The following QNG1 variants were observed in gnomAD, a reference collection of about 807,000 sequenced individuals.
QNG1 encodes queuosine 5'-phosphate N-glycosylase/hydrolase.
At chr9:83,943,913 C>T in the QNG1 span, among the ~76,000 whole-genome samples, 371 of 152,146 alleles carry the variant, frequency 2.4e-3, 2 homozygotes, top group African/African-American at 8.1e-3. Context: ...CCCAGCTACT[C>T]GGGAGGCTGA....
chr9:83,948,540 C>T, the QNG1 span, among the ~76,000 whole-genome samples: 6 of 152,010 alleles, frequency 3.9e-5, no homozygotes, highest in East Asian at 1.2e-3. Flanking sequence ...CCTGGCCGCC[C>T]CGTCTGGGAA....
At chr9:83,946,842 G>A in the QNG1 span, among the ~76,000 whole-genome samples, 794 of 152,240 alleles carry the variant, frequency 5.2e-3, 7 homozygotes, top group African/African-American at 0.018. Context: ...CAGGCGATCC[G>A]TGTGCCTTGG....
chr9:83,952,794 G>GAAAAA, the QNG1 span, among the ~76,000 whole-genome samples: 2 of 83,586 alleles, frequency 2.4e-5, no homozygotes, highest in African/African-American at 8.4e-5. Flanking sequence ...GACTCCGTCT[G>GAAAAA]AAAAAAAAAA....
chr9:83,949,402 G>T, the QNG1 span, among the ~76,000 whole-genome samples: 2 of 152,174 alleles, frequency 1.3e-5, no homozygotes, highest in Non-Finnish European at 2.9e-5. Context: ...CCAGCACTTT[G>T]GGAGGCCGAG....
the QNG1 span, among the ~76,000 whole-genome samples, chr9:83,948,517 G>A: frequency 7.0e-6 from 1 of 142,522 alleles, no homozygotes; most frequent in African/African-American, 2.6e-5. Context: ...CCGGGAGGGG[G>A]GGGGCGCCTC....
chr9:83,941,755 A>G, the QNG1 span, among the ~76,000 whole-genome samples: 1 of 152,188 alleles, frequency 6.6e-6, no homozygotes, highest in African/African-American at 2.4e-5. Context: ...TCTACCAAAA[A>G]TACAAAAATT....
At chr9:83,938,674 G>GAAAA in the QNG1 span, 1 of 145,678 alleles carries the variant, frequency 6.9e-6, no homozygotes. Context: ...CCACAGGGGG[G>GAAAA]AAAAAAAAAA....
chr9:83,939,439 T>C, the QNG1 span: 4 of 1,035,384 alleles, frequency 3.9e-6, no homozygotes, highest in Non-Finnish European at 5.8e-6. Flanking sequence ...TCTCTAAATA[T>C]CAAAGCAAAA....
At chr9:83,950,334 C>A in the QNG1 span, among the ~76,000 whole-genome samples, 57 of 152,060 alleles carry the variant, frequency 3.7e-4, no homozygotes, top group Non-Finnish European at 7.5e-4. Flanking sequence ...AGGTATGAGC[C>A]ACCACGCCTG....
At chr9:83,945,980 T>C in the QNG1 span, among the ~76,000 whole-genome samples, 1 of 152,092 alleles carries the variant, frequency 6.6e-6, no homozygotes, top group East Asian at 1.9e-4. Context: ...GTTTTTCTGA[T>C]TGCAATATAA....
At chr9:83,950,207 G>T in the QNG1 span, among the ~76,000 whole-genome samples, 1 of 151,874 alleles carries the variant, frequency 6.6e-6, no homozygotes, top group Non-Finnish European at 1.5e-5. Context: ...GCGCCAACAC[G>T]CCTGGCTAAT....
chr9:83,948,423 G>C, the QNG1 span, among the ~76,000 whole-genome samples: 3 of 142,768 alleles, frequency 2.1e-5, no homozygotes, highest in African/African-American at 7.7e-5. Flanking sequence ...GTCCGGGAGG[G>C]AGGTGGGGGG....
the QNG1 span, chr9:83,956,326 C>T: frequency 6.2e-7 from 1 of 1,613,804 alleles, no homozygotes; most frequent in Non-Finnish European, 8.5e-7. Context: ...TCGTCGGCCG[C>T]CCTGGGGTTC....
the QNG1 span, among the ~76,000 whole-genome samples, chr9:83,954,324 A>G: frequency 6.6e-6 from 1 of 152,204 alleles, no homozygotes; most frequent in Admixed American, 6.5e-5. Context: ...CATGTTTTTT[A>G]GGTTTGAAAC....
the QNG1 span, chr9:83,953,734 T>G: frequency 7.3e-7 from 1 of 1,377,350 alleles, no homozygotes; most frequent in Non-Finnish European, 1.0e-6. Flanking sequence ...CTCGGCTCAC[T>G]GCAACCTCCC....
chr9:83,956,002 C>A, the QNG1 span, among the ~76,000 whole-genome samples: 1 of 152,042 alleles, frequency 6.6e-6, no homozygotes, highest in Non-Finnish European at 1.5e-5. Flanking sequence ...AAAATATGCC[C>A]CTTTTCATAC....
the QNG1 span, chr9:83,956,671 G>C: frequency 1.8e-6 from 1 of 542,842 alleles, no homozygotes; most frequent in Non-Finnish European, 3.1e-6. Context: ...GTTCTCTCCC[G>C]CGGCGTTGCC....
chr9:83,952,809 A>C, the QNG1 span, among the ~76,000 whole-genome samples: 87 of 151,118 alleles, frequency 5.8e-4, no homozygotes, highest in African/African-American at 1.8e-3. Flanking sequence ...AAAAAAAAAA[A>C]AAACAAAAAT....
chr9:83,956,771 G>C, the QNG1 span: 1 of 378,748 alleles, frequency 2.6e-6, no homozygotes, highest in East Asian at 4.1e-5. Flanking sequence ...ACGCCCTCTC[G>C]GGCGCGCTCT....
Sources: allele counts gnomAD v4.1 joint callset (sites outside exome capture counted in the v4.1 genomes callset), GRCh38; gene constraint gnomAD v4.1.1; transcripts MANE v1.5; gene names NCBI Gene and HGNC (gene_info 2026-07-23, HGNC 2026-07-21).